The following ADGRL3 variants were observed in gnomAD, a reference collection of about 807,000 sequenced individuals.
The protein encoded by ADGRL3 is adhesion G protein-coupled receptor L3.
ADGRL3 carries 62 observed loss-of-function variants against 153.5 expected under a neutral mutation model. That is an observed-to-expected ratio of 0.40 (90% CI 0.33 to 0.50). The LOEUF is 0.50. ADGRL3 is among the 20% of genes least tolerant of loss of function. ADGRL3 has a pLI of 0.47. For synonymous variants in ADGRL3, 710 were observed against 672.5 expected (o/e 1.06, Z -0.86); for missense variants, 1,641 against 1,859.4 (o/e 0.88, Z 2.16).
intron 1 of ADGRL3, among the ~76,000 whole-genome samples, chr4:61,280,017 G>T (rs2093651949): frequency 6.6e-6 from 1 of 151,766 alleles, no homozygotes. Flanking sequence ...CTTCATCCCA[G>T]AAAAGGTTGA....
At chr4:61,617,647 T>C (rs933709779) in intron 5 of ADGRL3, among the ~76,000 whole-genome samples, 6 of 152,298 alleles carry the variant, frequency 3.9e-5, no homozygotes, top group Non-Finnish European at 5.9e-5. Flanking sequence ...AAGTAAGAGG[T>C]AGCAAAAAAT....
chr4:61,342,854 T>C (rs1302920141), intron 1 of ADGRL3, among the ~76,000 whole-genome samples: 1 of 152,176 alleles, frequency 6.6e-6, no homozygotes, highest in Admixed American at 6.5e-5. Flanking sequence ...TCTGTTCTCA[T>C]GCTGCTAATA....
chr4:61,732,913 A>G lies in ADGRL3; in HGVS notation c.758A>G (p.Tyr253Cys). 1 of 1,613,764 alleles carries G rather than the reference A, an allele frequency of 6.2e-7. No individual in the cohort carries two copies. The highest frequency in any genetic ancestry group is 2.2e-5 in the East Asian group (1 of 44,860). The change falls in exon 8 of 27, where the codon TAT becomes TGT. Residue 253 changes from tyrosine (Y) to cysteine (C), a missense_variant. This residue lies in a region of ADGRL3 where 213 missense variants were observed against 362.1 expected (regional missense o/e 0.59). Transcript: ENST00000683033. Reference sequence around the variant, plus strand: ...TACAGAACTGATACCCTGACTGAGTATTCATCCAAGGATGACTTCATTGCT... The same window carrying G: ...TACAGAACTGATACCCTGACTGAGTGTTCATCCAAGGATGACTTCATTGCT... ...TPYRTDTLTE[Y>C]SSKDDFIAGR...
intron 9 of ADGRL3, among the ~76,000 whole-genome samples, chr4:61,884,421 C>T (rs762230360): frequency 9.2e-5 from 14 of 152,132 alleles, no homozygotes; most frequent in Non-Finnish European, 1.8e-4. Flanking sequence ...TTATTTCACA[C>T]TATTGTTTCC....
rs942458991 is a variant in ADGRL3 at position 62,075,412 on chromosome 4, A to C, written c.*4504A>C. 1.3e-5 allele frequency: 2 copies of C among 152,154 alleles called. No individual in the cohort carries two copies. The highest frequency in any genetic ancestry group is 4.8e-5 in the African/African-American group (2 of 41,460). The allele number at this position is 152,154 out of a possible 1,614,324, so 9.4% of individuals were successfully genotyped here. A position where few individuals can be genotyped will look rare whatever the true frequency, so the allele number is the denominator to read the frequency against. ...AGAAGTATAATGCATGTCAATTCAGATTTAGAGAGTGTAAAAAACAAAAAC... is the reference window on the plus strand; with the variant it reads ...AGAAGTATAATGCATGTCAATTCAGCTTTAGAGAGTGTAAAAAACAAAAAC... On this transcript the variant is annotated 3_prime_UTR_variant, in exon 27 of 27. Transcript: ENST00000683033.
chr4:61,812,590 T>C (rs1212332196), intron 8 of ADGRL3, among the ~76,000 whole-genome samples: 3 of 152,200 alleles, frequency 2.0e-5, no homozygotes, highest in Non-Finnish European at 4.4e-5. Flanking sequence ...GGTCCTCCAC[T>C]CCCACTCAAA....
chr4:61,613,404 C>G (rs2091620316), intron 5 of ADGRL3, among the ~76,000 whole-genome samples: 2 of 152,000 alleles, frequency 1.3e-5, no homozygotes. Flanking sequence ...CTGAATTTTT[C>G]ACTGATGTTT....
intron 4 of ADGRL3, among the ~76,000 whole-genome samples, chr4:61,581,297 C>A (rs576563973): frequency 6.6e-6 from 1 of 151,750 alleles, no homozygotes; most frequent in African/African-American, 2.4e-5. Context: ...TCTGGGTGGT[C>A]CTCTGGGTGC....
At chr4:61,806,636 G>A (rs1179999381) in intron 8 of ADGRL3, among the ~76,000 whole-genome samples, 1 of 151,998 alleles carries the variant, frequency 6.6e-6, no homozygotes, top group Non-Finnish European at 1.5e-5. Flanking sequence ...TATTTAGGCT[G>A]CATATTGAAA....
intron 21 of ADGRL3, among the ~76,000 whole-genome samples, chr4:62,025,649 T>A (rs567470756): frequency 1.6e-4 from 24 of 152,272 alleles, no homozygotes; most frequent in Non-Finnish European, 2.2e-4. Flanking sequence ...TTAGTATATA[T>A]TACCTGTTTT....
chr4:61,507,462 A>C (rs335288), intron 3 of ADGRL3, among the ~76,000 whole-genome samples: 1 of 152,010 alleles, frequency 6.6e-6, no homozygotes, highest in Non-Finnish European at 1.5e-5. Flanking sequence ...CCAACATAAC[A>C]TAATCGATCA....
At chr4:61,765,056 T>C (rs565821984) in intron 8 of ADGRL3, among the ~76,000 whole-genome samples, 1,561 of 152,184 alleles carry the variant, frequency 0.01, 49 homozygotes, top group African/African-American at 0.036. Flanking sequence ...AGAGAGTGCC[T>C]AAGGAGATTC....
chr4:61,256,094 T>C (rs1232208463), intron 1 of ADGRL3, among the ~76,000 whole-genome samples: 2 of 152,180 alleles, frequency 1.3e-5, no homozygotes, highest in South Asian at 2.1e-4. Context: ...GAAACACTTT[T>C]TCAGTGAATA....
chr4:61,798,999 G>GTATA (rs34782885), intron 8 of ADGRL3, among the ~76,000 whole-genome samples: 7,143 of 80,082 alleles, frequency 0.089, 659 homozygotes, highest in Non-Finnish European at 0.12. Context: ...TATATAAACA[G>GTATA]TATATATATA....
intron 2 of ADGRL3, among the ~76,000 whole-genome samples, chr4:61,416,937 C>T (rs1353373006): frequency 6.6e-6 from 1 of 152,066 alleles, no homozygotes; most frequent in East Asian, 1.9e-4. Flanking sequence ...TACATGGTCC[C>T]ATCTGGAGGT....
At chr4:61,901,626 A>G (rs1248979298) in intron 11 of ADGRL3, among the ~76,000 whole-genome samples, 1 of 152,204 alleles carries the variant, frequency 6.6e-6, no homozygotes, top group Non-Finnish European at 1.5e-5. Flanking sequence ...TTTCAAAGAA[A>G]TGGTAGCTAT....
At chr4:61,422,919 A>G (rs1161932836) in intron 2 of ADGRL3, among the ~76,000 whole-genome samples, 2 of 152,110 alleles carry the variant, frequency 1.3e-5, no homozygotes, top group Non-Finnish European at 2.9e-5. Context: ...AGAATGTTAT[A>G]TAGATGACTG....
intron 1 of ADGRL3, among the ~76,000 whole-genome samples, chr4:61,215,541 ATTTTTTTTTT>A (rs59691960): frequency 8.1e-5 from 6 of 73,664 alleles, no homozygotes; most frequent in African/African-American, 1.5e-4. Flanking sequence ...CTATTATGGA[ATTTTTTTTTT>A]TTTTTTTTTT....
intron 1 of ADGRL3, among the ~76,000 whole-genome samples, chr4:61,222,971 G>A (rs1209707966): frequency 6.6e-6 from 1 of 152,170 alleles, no homozygotes; most frequent in Non-Finnish European, 1.5e-5. Context: ...ATGAGCTGTA[G>A]TAATTACCAG....
Sources: gnomAD v4.1 joint callset for allele counts (sites outside exome capture counted in the v4.1 genomes callset) on GRCh38, gnomAD v4.1.1 for gene constraint, gnomAD v4.1.1 regional missense constraint, MANE v1.5 for transcripts, NCBI Gene and HGNC (gene_info 2026-07-23, HGNC 2026-07-21) for gene names.